The following ASIC3 variants were observed in gnomAD, a reference collection of about 807,000 sequenced individuals.
ASIC3 encodes acid-sensing ion channel 3.
ASIC3 carries 46 observed loss-of-function variants against 58.6 expected under a neutral mutation model. The ratio of observed to expected loss-of-function variants is 0.79; its 90% CI spans 0.62 to 1.00. The LOEUF (loss-of-function observed/expected upper bound fraction) is 1.00. Among genes scored for constraint, ASIC3 ranks in the 50% least tolerant of loss-of-function variants. ASIC3 has a pLI of 0.00. For synonymous variants in ASIC3, 336 were observed against 300.2 expected (o/e 1.12, Z -1.23); for missense variants, 770 against 735.0 (o/e 1.05, Z -0.55).
Position 151,048,579 on chromosome 7 carries a change from G to T in ASIC3, c.-307G>T, listed in dbSNP as rs1212495900. On this transcript the variant is annotated 5_prime_UTR_variant, in exon 1 of 11. Coordinates refer to ENST00000349064, the MANE Select transcript of ASIC3 (RefSeq NM_004769.4). Reference sequence around the variant, plus strand: ...ACCGCCGGCTCAGCACCGCTCCGCAGCCCCTGCCTGCCACGGTCAGCTACG... The same window carrying T: ...ACCGCCGGCTCAGCACCGCTCCGCATCCCCTGCCTGCCACGGTCAGCTACG... The T allele has an allele frequency of 1.3e-5, 5 of 396,042 alleles. No individual in the cohort carries two copies. The highest frequency in any genetic ancestry group is 2.3e-5 in the Non-Finnish European group (5 of 222,088). The allele number at this position is 396,042 out of a possible 1,614,324, so 24.5% of individuals were successfully genotyped here.
chr7:151,052,124 G>A lies in ASIC3; in HGVS notation c.1387-42G>A, dbSNP rs6978641. 2.3e-3 allele frequency: 3,724 copies of A among 1,613,874 alleles called. 72 individuals carry two copies. The African/African-American group carries it at 0.044, about 19-fold the overall frequency. ...GGAATCAGGGCCCCTAGGATGAGGGGGAAGGTGTGCACTGGCCACCTCCCA... is the reference window on the plus strand; with the variant it reads ...GGAATCAGGGCCCCTAGGATGAGGGAGAAGGTGTGCACTGGCCACCTCCCA... On this transcript the variant is annotated intron_variant, in intron 8 of 10. Transcript: ENST00000349064. The surrounding 1 kb of genome is among the most constrained non-coding windows in gnomAD (Gnocchi z 5.0).
chr7:151,050,049 C>T (rs2150358642), intron 1 of ASIC3, 57 bp from the exon 2 acceptor site: 4 of 1,610,798 alleles, frequency 2.5e-6, no homozygotes, highest in Non-Finnish European at 3.4e-6. Flanking sequence ...GGGGAGAGGT[C>T]CCATGACCAT....
chr7:151,051,169 C>G lies in ASIC3; in HGVS notation c.1067-3C>G. 6.3e-7 allele frequency: 1 copy of G among 1,594,784 alleles called. No individual in the cohort carries two copies. ...GCGTCTGACGCGGCCCGGTGGCCCG[C>G]AGATGCCATGCTTCGCAAGGACTCG... On this transcript the variant is annotated splice_polypyrimidine_tract_variant and splice_region_variant and intron_variant, in intron 5 of 10. Coordinates refer to ENST00000349064, the MANE Select transcript of ASIC3 (RefSeq NM_004769.4).
chr7:151,048,805 C>A lies in ASIC3; in HGVS notation c.-81C>A, dbSNP rs1332916019. On this transcript the variant is annotated 5_prime_UTR_variant, in exon 1 of 11. Transcript: ENST00000349064. ...CCTTGCCTGGCCTCCTGAATCCTAT[C>A]TTAGCCTCCTTAGCCCCCTGACTGA... is the stretch of plus-strand genomic sequence containing the variant. 4.0e-6 allele frequency: 6 copies of A among 1,489,134 alleles called. No homozygotes were observed. The highest frequency in any genetic ancestry group is 5.4e-6 in the Non-Finnish European group (6 of 1,111,686). The allele number at this position is 1,489,134 out of a possible 1,614,324, so 92.2% of individuals were successfully genotyped here. A position where few individuals can be genotyped will look rare whatever the true frequency, so the allele number is the denominator to read the frequency against.
chr7:151,051,992 G>A lies in ASIC3; in HGVS notation c.1316G>A (p.Gly439Glu). 6.2e-7 allele frequency: 1 copy of A among 1,613,478 alleles called. No individual in the cohort carries two copies. The highest frequency in any genetic ancestry group is 8.5e-7 in the Non-Finnish European group (1 of 1,179,868). Residue 439 changes from glycine to glutamate, a missense_variant, in exon 8 of 11, where the codon GGG becomes GAG. Coordinates refer to ENST00000349064, the MANE Select transcript of ASIC3 (RefSeq NM_004769.4). ...YEMSELLGDI[G>E]GQMGLFIGAS... ...GACCCTGTCTCCACAGGTGACATTG[G>A]GGGCCAGATGGGGCTGTTCATCGGG...
In ASIC3 at chr7:151,048,546, G is replaced by A. The variant is rs1291337868; in HGVS notation, c.-340G>A. On this transcript the variant is annotated 5_prime_UTR_variant, in exon 1 of 11. Transcript: ENST00000349064. Reference sequence around the variant, plus strand: ...AAACCCAATCCTCTGCAGCAGCGCCGGCTCAGCACCGCCGGCTCAGCACCG... The same window carrying A: ...AAACCCAATCCTCTGCAGCAGCGCCAGCTCAGCACCGCCGGCTCAGCACCG... 5.9e-5 allele frequency: 18 copies of A among 305,924 alleles called. No homozygotes were observed. The highest frequency in any genetic ancestry group is 4.7e-4 in the Admixed American group (10 of 21,474). 19.0% of individuals were successfully genotyped at this position (305,924 alleles called of 1,614,324 possible).
intron 2 of ASIC3, 106 bp downstream of exon 2, chr7:151,050,362 G>C: frequency 6.4e-7 from 1 of 1,564,292 alleles, no homozygotes; most frequent in Non-Finnish European, 8.7e-7. Context: ...CAGAACCTGT[G>C]AAAGGGGCTG....
rs1287466961 is a variant in ASIC3 at position 151,052,206 on chromosome 7, AGCACTCCCAAAG to A, written c.1435_1446del (p.Gln479_Ser482del). 1 of 1,613,932 alleles carries A rather than the reference AGCACTCCCAAAG, an allele frequency of 6.2e-7. No homozygotes were observed. Among genetic ancestry groups the A allele is most frequent in the East Asian group, 2.2e-5 (1 of 44,882 alleles). ...GTCCTGGGATATTTCTGGAACCGACAGCACTCCCAAAGGCACTCCAGCACCAATCTGGTAACA... is the reference window on the plus strand; with the variant it reads ...GTCCTGGGATATTTCTGGAACCGACAGCACTCCAGCACCAATCTGGTAACA... On this transcript the variant is annotated inframe_deletion, in exon 9 of 11. Coordinates refer to ENST00000349064, the MANE Select transcript of ASIC3 (RefSeq NM_004769.4). The surrounding 1 kb of genome is among the most constrained non-coding windows in gnomAD (Gnocchi z 5.0).
rs776411754 is a variant in ASIC3 at position 151,052,398 on chromosome 7, CCT to C, written c.1459-14_1459-13del. 17 of 1,613,854 alleles carry C rather than the reference CCT, an allele frequency of 1.1e-5. No homozygotes were observed. In the African/African-American group the frequency reaches 2.3e-4, roughly 22 times the overall value. ...AGGAGGACCACTCCCCACCTCTGAC[CCT>C]CTCGTCCTCACACAGCTTCAGGAAG... On this transcript the variant is annotated splice_polypyrimidine_tract_variant and intron_variant, in intron 9 of 10. Transcript: ENST00000349064. This position sits in a 1 kb window ranked among gnomAD's most constrained non-coding sequence, Gnocchi z 5.0.
At position 151,050,815 on chromosome 7, in the gene ASIC3, T is replaced by TA; in HGVS notation, c.872dup (p.Tyr291Ter). The change falls in exon 4 of 11, where the codon TAT becomes TAAT. Residue 291 changes from tyrosine (Y) to a stop codon, truncating the protein, a stop_gained and frameshift_variant. Coordinates refer to ENST00000349064, the MANE Select transcript of ASIC3 (RefSeq NM_004769.4). LOFTEE classifies it high-confidence loss of function. ...CAGTTCAGCATCTCTGAACCCCAAC[T>TA]ATGAGCCAGAGCCCTCTGATCCCCT... is the stretch of plus-strand genomic sequence containing the variant. ...DCSSASLNPN[Y>*]EPEPSDPLGS... The TA allele has an allele frequency of 6.2e-7, 1 of 1,613,734 alleles. No homozygotes were observed. Among genetic ancestry groups the TA allele is most frequent in the Non-Finnish European group, 8.5e-7 (1 of 1,179,890 alleles).
chr7:151,049,825 C>T (rs1006194797), intron 1 of ASIC3, among the ~76,000 whole-genome samples: 2 of 152,240 alleles, frequency 1.3e-5, no homozygotes, highest in African/African-American at 4.8e-5. Flanking sequence ...AGGACAGCCA[C>T]AGGGGCCCAT....
rs778782539 is a variant in ASIC3 at position 151,048,967 on chromosome 7, G to A, written c.82G>A (p.Gly28Arg). ...GTTCGCCAGCAACTGCTCGATGCAC[G>A]GGCTGGGCCACGTCTTCGGGCCAGG... ...RVFASNCSMH[G>R]LGHVFGPGSL... Residue 28 changes from glycine to arginine, a missense_variant, in exon 1 of 11, where the codon GGG (glycine) becomes AGG (arginine). Physicochemically the swap from Gly to Arg is moderately radical, Grantham distance 125. Coordinates refer to ENST00000349064, the MANE Select transcript of ASIC3 (RefSeq NM_004769.4). 21 of 1,601,954 alleles carry A rather than the reference G, an allele frequency of 1.3e-5. No homozygotes were observed. Among genetic ancestry groups the A allele is most frequent in the African/African-American group, 4.0e-5 (3 of 74,714 alleles).
rs559523045 is a variant in ASIC3, at chr7:151,048,600, C to G, written c.-286C>G. ...CGCAGCCCCTGCCTGCCACGGTCAG[C>G]TACGTCCCACCTGGTCTGCTGCGGA... On this transcript the variant is annotated 5_prime_UTR_variant, in exon 1 of 11. Coordinates refer to ENST00000349064, the MANE Select transcript of ASIC3 (RefSeq NM_004769.4). 1.5e-3 allele frequency: 645 copies of G among 431,142 alleles called. 10 individuals are homozygous for G. Among genetic ancestry groups the G allele is most frequent in the Non-Finnish European group, 8.6e-4 (210 of 243,994 alleles). The allele number at this position is 431,142 out of a possible 1,614,324, so 26.7% of individuals were successfully genotyped here.
chr7:151,051,404 G>A (rs1796776698), intron 6 of ASIC3, 85 bp downstream of exon 6: 5 of 1,390,480 alleles, frequency 3.6e-6, no homozygotes, highest in South Asian at 1.6e-5. Flanking sequence ...TAGCCCTAGT[G>A]CGCACAGCCC....
At position 151,050,243 on chromosome 7, in the gene ASIC3, G is replaced by C; in HGVS notation, c.672G>C (p.Val224=). 1 of 1,613,464 alleles carries C rather than the reference G, an allele frequency of 6.2e-7. No homozygotes were observed. The highest frequency in any genetic ancestry group is 1.1e-5 in the South Asian group (1 of 91,078). The part of the protein sequence containing the change: ...LDVQQEEYLP[V]WRDNEETPFE... Reference sequence around the variant, plus strand: ...TGCAGCAGGAGGAATATCTACCTGTGTGGAGGGACAATGGTAGGGAGCACA... The same window carrying C: ...TGCAGCAGGAGGAATATCTACCTGTCTGGAGGGACAATGGTAGGGAGCACA... The change falls in exon 2 of 11, where the codon GTG becomes GTC. Residue 224 remains valine, a synonymous_variant. Coordinates refer to ENST00000349064, the MANE Select transcript of ASIC3 (RefSeq NM_004769.4).
At chr7:151,051,665 A>G (rs1796783931) in intron 6 of ASIC3, 145 bp from the exon 7 acceptor site, 2 of 807,056 alleles carry the variant, frequency 2.5e-6, no homozygotes, top group Non-Finnish European at 3.9e-6. Flanking sequence ...TCATCCTCCC[A>G]AAGTGCAGGG....
chr7:151,049,228 C>T lies in ASIC3; in HGVS notation c.343C>T (p.Leu115=). The T allele has an allele frequency of 5.6e-6, 9 of 1,611,970 alleles. No homozygotes were observed. Among genetic ancestry groups the T allele is most frequent in the Non-Finnish European group, 7.6e-6 (9 of 1,179,060 alleles). The change falls in exon 1 of 11, where the codon CTG becomes TTG. Residue 115 remains leucine (L), a synonymous_variant. Transcript: ENST00000349064. ...NDLHWAGSAL[L]GLDPAEHAAF... ...CCTGCACTGGGCTGGGTCTGCGCTG[C>T]TGGGCCTGGATCCCGCAGAGCACGC...
Position 151,052,447 on chromosome 7 carries a change from A to G in ASIC3, c.1490A>G (p.Gln497Arg), listed in dbSNP as rs1473957755. 1 of 1,613,808 alleles carries G rather than the reference A, an allele frequency of 6.2e-7. No homozygotes were observed. ...LQEGLGSHRT[Q>R]VPHLSLGPRP... ...GAAGGGCTGGGCAGCCATCGAACCC[A>G]AGTTCCCCACCTCAGCCTGGGCCCC... The change falls in exon 10 of 11, where the codon CAA becomes CGA. Residue 497 changes from glutamine to arginine, a missense_variant. Coordinates refer to ENST00000349064, the MANE Select transcript of ASIC3 (RefSeq NM_004769.4). This position sits in a 1 kb window ranked among gnomAD's most constrained non-coding sequence, Gnocchi z 5.0.
Position 151,048,946 on chromosome 7 carries a change from G to A in ASIC3, c.61G>A (p.Ala21Thr), listed in dbSNP as rs374817631. ...GCCAGCCTCGGACATCCGCGTGTTC[G>A]CCAGCAACTGCTCGATGCACGGGCT... ...RRPASDIRVFASNCSMHGLGH... is the reference protein window; with the variant it reads ...RRPASDIRVFTSNCSMHGLGH... The change falls in exon 1 of 11, where the codon GCC becomes ACC. Residue 21 changes from alanine to threonine, a missense_variant. By Grantham distance (58) the Ala-to-Thr change is moderately conservative. Transcript: ENST00000349064. The A allele has an allele frequency of 9.5e-6, 15 of 1,586,250 alleles. No individual in the cohort carries two copies. Among genetic ancestry groups the A allele is most frequent in the Non-Finnish European group, 1.3e-5 (15 of 1,162,020 alleles).
Sources: gnomAD v4.1 joint callset for allele counts (sites outside exome capture counted in the v4.1 genomes callset) on GRCh38, gnomAD v4.1.1 for gene constraint, Gnocchi (gnomAD v3.1) non-coding constraint, MANE v1.5 for transcripts, NCBI Gene and HGNC (gene_info 2026-07-23, HGNC 2026-07-21) for gene names.